PRKCI: variants seen among roughly 807,000 people sequenced by gnomAD.
PRKCI encodes protein kinase C iota type.
A neutral mutation model predicts 84.0 loss-of-function variants in PRKCI; 43 were observed. That is an observed-to-expected ratio of 0.51 (90% CI 0.40 to 0.66). PRKCI has a LOEUF of 0.66. Ranked by LOEUF, PRKCI falls within the 30% of genes least tolerant of loss-of-function variation. The pLI, the probability that PRKCI is intolerant of heterozygous loss-of-function variation, is 0.00. For missense variants in PRKCI, 459 were observed against 745.6 expected (o/e 0.62, Z 4.48); for synonymous variants, 216 against 234.4 (o/e 0.92, Z 0.72).
intron 2 of PRKCI, among the ~76,000 whole-genome samples, chr3:170,245,535 G>C (rs1238216338): frequency 6.6e-6 from 1 of 152,094 alleles, no homozygotes; most frequent in African/African-American, 2.4e-5. Context: ...GCTATCATCT[G>C]CTCCAGTATC....
chr3:170,238,705 C>T (rs749105711), intron 2 of PRKCI, among the ~76,000 whole-genome samples: 5 of 151,402 alleles, frequency 3.3e-5, no homozygotes, highest in Admixed American at 6.6e-5. Context: ...AATTCTTGTG[C>T]CCCAGCCTCC....
At chr3:170,229,504 C>T (rs375293137) in intron 1 of PRKCI, among the ~76,000 whole-genome samples, 59 of 152,248 alleles carry the variant, frequency 3.9e-4, no homozygotes, top group African/African-American at 1.3e-3. Context: ...TTTGTAGGGA[C>T]GGGGCTGGTC....
chr3:170,230,519 A>G (rs543451269), intron 1 of PRKCI, among the ~76,000 whole-genome samples: 2 of 152,302 alleles, frequency 1.3e-5, no homozygotes, highest in African/African-American at 4.8e-5. Context: ...TAGTAGAGAC[A>G]GGGTTTTGCC....
intron 4 of PRKCI, among the ~76,000 whole-genome samples, chr3:170,267,598 G>T (rs1011091981): frequency 2.7e-5 from 4 of 150,724 alleles, no homozygotes; most frequent in African/African-American, 4.9e-5. Context: ...ACTTGAACCC[G>T]GGAGGTGGAG....
intron 14 of PRKCI, among the ~76,000 whole-genome samples, chr3:170,295,289 A>G (rs1734663480): frequency 6.6e-6 from 1 of 151,860 alleles, no homozygotes; most frequent in African/African-American, 2.4e-5. Context: ...TTGGGAGTCC[A>G]AGGCAGGAGG....
chr3:170,282,696 CAA>C (rs113109044), intron 11 of PRKCI, among the ~76,000 whole-genome samples: 34 of 101,808 alleles, frequency 3.3e-4, no homozygotes, highest in Non-Finnish European at 2.9e-4. Context: ...GACTCTGTCT[CAA>C]AAAAAAAAAA....
chr3:170,252,815 A>G (rs1006342523), intron 2 of PRKCI, among the ~76,000 whole-genome samples: 5 of 152,004 alleles, frequency 3.3e-5, no homozygotes, highest in African/African-American at 9.7e-5. Flanking sequence ...GTGGTCTTGA[A>G]CCAAATACTA....
intron 1 of PRKCI, among the ~76,000 whole-genome samples, chr3:170,230,174 T>G (rs548007248): frequency 1.5e-4 from 22 of 151,622 alleles, no homozygotes; most frequent in African/African-American, 5.1e-4. Flanking sequence ...ACTTTTTTTT[T>G]TTTTTTTTTG....
chr3:170,235,519 T>A (rs1051858072), intron 2 of PRKCI, among the ~76,000 whole-genome samples, 168 bp downstream of exon 2: 1 of 152,130 alleles, frequency 6.6e-6, no homozygotes, highest in Admixed American at 6.6e-5. Flanking sequence ...AAGAGCACAA[T>A]CTTTTTTTTG....
intron 2 of PRKCI, among the ~76,000 whole-genome samples, chr3:170,245,539 C>T: frequency 6.6e-6 from 1 of 152,086 alleles, no homozygotes; most frequent in Non-Finnish European, 1.5e-5. Flanking sequence ...TCATCTGCTC[C>T]AGTATCTGGG....
At chr3:170,240,147 G>A (rs1733090995) in intron 2 of PRKCI, among the ~76,000 whole-genome samples, 1 of 151,938 alleles carries the variant, frequency 6.6e-6, no homozygotes, top group Admixed American at 6.6e-5. Context: ...AGGCAACAAA[G>A]CAATACCCTG....
intron 13 of PRKCI, among the ~76,000 whole-genome samples, chr3:170,293,096 C>T (rs1734601523): frequency 1.3e-5 from 2 of 150,836 alleles, no homozygotes; most frequent in African/African-American, 2.4e-5. Context: ...TTAATTATAT[C>T]CTCAACACAC....
intron 4 of PRKCI, among the ~76,000 whole-genome samples, chr3:170,264,565 C>T (rs1733811741): frequency 6.6e-6 from 1 of 152,140 alleles, no homozygotes. Flanking sequence ...AGGTGTGAGC[C>T]ACTGCACCTG....
intron 9 of PRKCI, among the ~76,000 whole-genome samples, chr3:170,280,913 C>A (rs1196551776): frequency 6.6e-6 from 1 of 151,822 alleles, no homozygotes; most frequent in Non-Finnish European, 1.5e-5. Context: ...TTTAAAAAAA[C>A]AAAAATCAAA....
Position 170,297,956 on chromosome 3 carries a change from A to G in PRKCI, c.1587+563A>G, listed in dbSNP as rs578021813. ...AGTAGTGTGATCTCTGCTCACTGCA[A>G]CCTCCACCTCCTGGGTTCAAGCAAT... is the stretch of plus-strand genomic sequence containing the variant. On this transcript the variant is annotated intron_variant, in intron 16 of 17. Transcript: ENST00000295797. 2.0e-5 allele frequency among the ~76,000 whole-genome samples: 3 copies of G among 151,516 alleles called. No homozygotes were observed. In the East Asian group the frequency reaches 5.8e-4, roughly 30 times the overall value.
At chr3:170,284,030 A>G (rs1560182582) in intron 11 of PRKCI, among the ~76,000 whole-genome samples, 1 of 151,948 alleles carries the variant, frequency 6.6e-6, no homozygotes, top group African/African-American at 2.4e-5. Flanking sequence ...AGCTTGTAGT[A>G]TTCTTTCTAT....
chr3:170,243,223 C>G (rs1031500183), intron 2 of PRKCI, among the ~76,000 whole-genome samples: 3 of 152,160 alleles, frequency 2.0e-5, no homozygotes, highest in African/African-American at 7.2e-5. Flanking sequence ...CACTCCTGCT[C>G]TTTTGTCCTC....
intron 2 of PRKCI, among the ~76,000 whole-genome samples, chr3:170,236,877 A>AG (rs1350572576): frequency 4.0e-5 from 6 of 151,780 alleles, no homozygotes; most frequent in East Asian, 3.9e-4. Context: ...AAAAAAAAAA[A>AG]AAAGAAAGAA....
chr3:170,274,835 C>A (rs1004795829), intron 7 of PRKCI, among the ~76,000 whole-genome samples: 1 of 151,938 alleles, frequency 6.6e-6, no homozygotes, highest in African/African-American at 2.4e-5. Flanking sequence ...AAGTGAAAAC[C>A]AGAGGTCCTG....
Sources: gnomAD v4.1 joint callset for allele counts (sites outside exome capture counted in the v4.1 genomes callset) on GRCh38, gnomAD v4.1.1 for gene constraint, MANE v1.5 for transcripts, NCBI Gene and HGNC (gene_info 2026-07-23, HGNC 2026-07-21) for gene names.